PKD1L3: variants seen among roughly 807,000 people sequenced by gnomAD.
The protein encoded by PKD1L3 is polycystin 1 like 3, transient receptor potential channel interacting.
In PKD1L3, 239 loss-of-function variants were observed where a neutral mutation model predicts 184.1. The observed-to-expected ratio is 1.30, with a 90% CI of 1.17 to 1.45. The LOEUF is 1.45. Among genes scored for constraint, PKD1L3 ranks in the 40% most tolerant of loss-of-function variants. PKD1L3 has a pLI of 0.00. For synonymous variants in PKD1L3, 996 were observed against 778.8 expected (o/e 1.28, Z -4.64); for missense variants, 2,660 against 2,067.2 (o/e 1.29, Z -5.56).
intron 16 of PKD1L3, among the ~76,000 whole-genome samples, chr16:71,962,052 G>A (rs866975533): frequency 2.0e-5 from 3 of 152,134 alleles, no homozygotes; most frequent in Admixed American, 6.6e-5. Context: ...AGCCTTCCAA[G>A]TAGCTGGGAC....
At chr16:71,957,226 T>G (rs1431793031) in intron 16 of PKD1L3, among the ~76,000 whole-genome samples, 3 of 152,040 alleles carry the variant, frequency 2.0e-5, no homozygotes, top group East Asian at 3.9e-4. Context: ...TCTATGCCAG[T>G]AGGTGTGGGT....
At chr16:71,937,200 T>G (rs773832031) in intron 25 of PKD1L3, 92 bp downstream of exon 25, 60 of 1,301,754 alleles carry the variant, frequency 4.6e-5, no homozygotes, top group Non-Finnish European at 5.9e-5. Flanking sequence ...GGACCACAGG[T>G]GCATGCCACC....
At chr16:71,941,348 AG>A (rs2038353830) in intron 24 of PKD1L3, among the ~76,000 whole-genome samples, 1 of 152,116 alleles carries the variant, frequency 6.6e-6, no homozygotes, top group African/African-American at 2.4e-5. Context: ...TATTATAGAA[AG>A]AAAAAATAGT....
intron 16 of PKD1L3, among the ~76,000 whole-genome samples, chr16:71,961,493 T>C (rs1282511934): frequency 6.6e-6 from 1 of 152,138 alleles, no homozygotes; most frequent in Non-Finnish European, 1.5e-5. Flanking sequence ...TCTGTTGAAC[T>C]GCCCATTCTG....
In PKD1L3 at chr16:71,944,163, A is replaced by G. The variant is rs2038470061; in HGVS notation, c.3726T>C (p.Cys1242=). 1 of 1,549,136 alleles carries G rather than the reference A, an allele frequency of 6.5e-7. No homozygotes were observed. Among genetic ancestry groups the G allele is most frequent in the Non-Finnish European group, 8.7e-7 (1 of 1,145,748 alleles). Residue 1242 remains cysteine, a synonymous_variant, in exon 23 of 30, where the codon TGT becomes TGC. Transcript: ENST00000620267. ...CTCTTGAACCTGGTACTGACGAAGA[A>G]CATTTTGCTGTCAAAAATTCAAATA... ...TKRILALLAK[C]SSSVPGSRDK... is the part of the protein sequence containing the mutation.
chr16:71,966,989 T>C, intron 15 of PKD1L3, 148 bp downstream of exon 15: 1 of 868,204 alleles, frequency 1.2e-6, no homozygotes, highest in Non-Finnish European at 1.7e-6. Context: ...CAGGGCTTAT[T>C]CTGTGTAGAC....
intron 19 of PKD1L3, among the ~76,000 whole-genome samples, chr16:71,951,282 T>C (rs748630919): frequency 2.0e-5 from 3 of 152,204 alleles, no homozygotes; most frequent in Non-Finnish European, 4.4e-5. Context: ...TCAGGTAATC[T>C]GCCCACCTCG....
At chr16:71,990,401 T>G (rs2040542706) in intron 3 of PKD1L3, 72 bp from the exon 4 acceptor site, 1 of 1,263,644 alleles carries the variant, frequency 7.9e-7, no homozygotes, top group East Asian at 2.6e-5. Context: ...ACTTGAGGAC[T>G]TCTTATTCAT....
chr16:71,940,177 G>A (rs899780731), intron 24 of PKD1L3, among the ~76,000 whole-genome samples: 1 of 151,966 alleles, frequency 6.6e-6, no homozygotes, highest in Admixed American at 6.6e-5. Flanking sequence ...TCACAACCAG[G>A]TATTTGCTAC....
intron 11 of PKD1L3, among the ~76,000 whole-genome samples, chr16:71,975,028 G>A (rs1396459023): frequency 2.6e-5 from 4 of 152,058 alleles, no homozygotes; most frequent in African/African-American, 9.7e-5. Flanking sequence ...TTTTGATCAA[G>A]TATATCTGGG....
At chr16:71,997,491 G>A (rs1332449505) in intron 2 of PKD1L3, among the ~76,000 whole-genome samples, 1 of 151,944 alleles carries the variant, frequency 6.6e-6, no homozygotes, top group Admixed American at 6.6e-5. Flanking sequence ...GCTCATGCCT[G>A]TAATCCCAAC....
rs781559242 is a variant in PKD1L3, at chr16:71,950,899, A to AT, written c.3191-590dup. ...AGGCATCTGCCACCATGACCAGCTA[A>AT]TTTTTTTTTTTTTTTGTATTTTTAG... On this transcript the variant is annotated intron_variant, in intron 19 of 29. Transcript: ENST00000620267. Among the ~76,000 whole-genome samples, 626 of 140,050 alleles carry AT rather than the reference A, an allele frequency of 4.5e-3. 3 individuals are homozygous for AT. Among genetic ancestry groups the AT allele is most frequent in the Middle Eastern group, 0.015 (4 of 270 alleles). The allele number at this position is 140,050 out of a possible 152,430, so 91.9% of individuals were successfully genotyped here.
chr16:71,983,651 C>G (rs1024191489), intron 6 of PKD1L3, among the ~76,000 whole-genome samples: 1 of 134,520 alleles, frequency 7.4e-6, no homozygotes, highest in African/African-American at 2.8e-5. Flanking sequence ...GCACAATCTC[C>G]AGATTCTCTT....
At chr16:71,983,994 C>T (rs745558691) in intron 6 of PKD1L3, 42 bp downstream of exon 6, 24 of 1,545,318 alleles carry the variant, frequency 1.6e-5, no homozygotes, top group Middle Eastern at 3.4e-4. Flanking sequence ...TCCGCTTTTC[C>T]CTCTCTCCTA....
Position 71,935,594 on chromosome 16 carries a change from C to G in PKD1L3, c.4453-76G>C, listed in dbSNP as rs11865456. 458 of 1,388,902 alleles carry G rather than the reference C, an allele frequency of 3.3e-4. 1 individual carries two copies. The highest frequency in any genetic ancestry group is 7.6e-4 in the Admixed American group (35 of 46,248). The allele number at this position is 1,388,902 out of a possible 1,614,324, so 86.0% of individuals were successfully genotyped here. On this transcript the variant is annotated intron_variant, in intron 25 of 29. Transcript: ENST00000620267. ...TCTCTCCCTGCTCAAGTGTGATGAA[C>G]GCAGCTGATGTCTGTGGGCAAAGCA...
intron 3 of PKD1L3, among the ~76,000 whole-genome samples, chr16:71,990,683 G>C (rs899224998): frequency 6.6e-6 from 1 of 152,004 alleles, no homozygotes; most frequent in African/African-American, 2.4e-5. Context: ...GCAGTGAGCC[G>C]AGATTGTGCC....
Position 71,970,069 on chromosome 16 carries a change from G to A in PKD1L3, c.1990C>T (p.Leu664Phe). 6.4e-7 allele frequency: 1 copy of A among 1,551,694 alleles called. No homozygotes were observed. Among genetic ancestry groups the A allele is most frequent in the Non-Finnish European group, 8.7e-7 (1 of 1,146,996 alleles). ...GCAAAGAAGGTCAGGTGGTTACAGA[G>A]ACACTGTGTCCTCAGAATTGTGCTC... ...PQSTILRTQCLCNHLTFFASD... is the reference protein window; with the variant it reads ...PQSTILRTQCFCNHLTFFASD... The change falls in exon 13 of 30, where the codon CTC becomes TTC. Residue 664 changes from leucine (L) to phenylalanine (F), a missense_variant. Coordinates refer to ENST00000620267, the MANE Select transcript of PKD1L3 (RefSeq NM_181536.2).
At chr16:71,978,468 T>G (rs2040012835) in intron 9 of PKD1L3, 85 bp from the exon 10 acceptor site, 6 of 556,480 alleles carry the variant, frequency 1.1e-5, no homozygotes, top group Non-Finnish European at 1.4e-5. Flanking sequence ...TATATACATA[T>G]GTATATATGT....
rs528199822 is a variant in PKD1L3 at position 71,963,256 on chromosome 16, TCA to T, written c.2559_2560del (p.Cys853Ter). ...AACTGGGATGAAGACCCGGTCAAGC[TCA>T]CAGTCTCCGAGGTCCACAGCCAGCC... On this transcript the variant is annotated stop_gained and frameshift_variant, in exon 16 of 30. Transcript: ENST00000620267. LOFTEE classifies it high-confidence loss of function. 3.1e-3 allele frequency: 4,757 copies of T among 1,551,366 alleles called. 15 individuals are homozygous for T. Among genetic ancestry groups the T allele is most frequent in the Middle Eastern group, 0.021 (126 of 5,994 alleles).
Sources: gnomAD v4.1 joint callset for allele counts (sites outside exome capture counted in the v4.1 genomes callset) on GRCh38, gnomAD v4.1.1 for gene constraint, MANE v1.5 for transcripts, NCBI Gene and HGNC (gene_info 2026-07-23, HGNC 2026-07-21) for gene names.